ERBIN: variants seen among roughly 807,000 people sequenced by gnomAD.
ERBIN encodes erbb2 interacting protein, also known as densin-180-like protein.
ERBIN carries 60 observed loss-of-function variants against 158.4 expected under a neutral mutation model. The observed-to-expected ratio is 0.38, with a 90% confidence interval of 0.31 to 0.47. The LOEUF is 0.47. Ranked by LOEUF, ERBIN falls within the 20% of genes least tolerant of loss-of-function variation. ERBIN has a pLI of 0.99. For missense variants in ERBIN, 1,610 were observed against 1,648.0 expected (o/e 0.98, Z 0.40); for synonymous variants, 594 against 557.2 (o/e 1.07, Z -0.93).
intron 4 of ERBIN, among the ~76,000 whole-genome samples, chr5:65,999,749 G>A (rs1445245198): frequency 2.0e-5 from 3 of 152,050 alleles, no homozygotes; most frequent in African/African-American, 7.2e-5. Flanking sequence ...TTTTATTCAG[G>A]CTAAATGTCT....
At position 66,079,992 on chromosome 5, in the gene ERBIN, A is replaced by G. The variant is rs1368088404; in HGVS notation, c.*1462A>G. 6.6e-6 allele frequency: 1 copy of G among 152,212 alleles called. No individual in the cohort carries two copies. The highest frequency in any genetic ancestry group is 1.5e-5 in the Non-Finnish European group (1 of 68,002). The allele number at this position is 152,212 out of a possible 1,614,324, so 9.4% of individuals were successfully genotyped here. A position where few individuals can be genotyped will look rare whatever the true frequency, so the allele number is the denominator to read the frequency against. On this transcript the variant is annotated 3_prime_UTR_variant, in exon 26 of 26. Coordinates refer to ENST00000284037, the MANE Select transcript of ERBIN (RefSeq NM_001253697.2). Reference sequence around the variant, plus strand: ...GTTATTTGGACCAGAAAAAAGTGCCATAGAAGACCAATAACTGTTTAGTTG... The same window carrying G: ...GTTATTTGGACCAGAAAAAAGTGCCGTAGAAGACCAATAACTGTTTAGTTG...
chr5:65,933,892 G>A (rs959893286), intron 1 of ERBIN, among the ~76,000 whole-genome samples: 4 of 151,724 alleles, frequency 2.6e-5, no homozygotes, highest in African/African-American at 4.8e-5. Context: ...ATGCCCTGTC[G>A]TCATCCCTAA....
chr5:65,980,917 A>G (rs926819476), intron 1 of ERBIN, among the ~76,000 whole-genome samples: 2 of 152,250 alleles, frequency 1.3e-5, no homozygotes, highest in African/African-American at 4.8e-5. Context: ...GTAAGGCTAT[A>G]GAAGATTTGA....
At chr5:65,953,808 C>T (rs906888588) in intron 1 of ERBIN, among the ~76,000 whole-genome samples, 1 of 152,164 alleles carries the variant, frequency 6.6e-6, no homozygotes, top group Non-Finnish European at 1.5e-5. Flanking sequence ...GTGGCACATT[C>T]ATAAGCCAAC....
chr5:66,016,359 T>G (rs114415115), intron 7 of ERBIN, among the ~76,000 whole-genome samples: 3,208 of 152,302 alleles, frequency 0.021, 120 homozygotes, highest in African/African-American at 0.072. Context: ...TTAACTGATT[T>G]TAACACCTTT....
intron 1 of ERBIN, among the ~76,000 whole-genome samples, chr5:65,957,896 C>T (rs1747404187): frequency 2.6e-5 from 4 of 151,626 alleles, no homozygotes; most frequent in African/African-American, 9.7e-5. Flanking sequence ...CCTCACTTCT[C>T]AGCCGGGGCG....
At chr5:65,944,184 A>G (rs1404150761) in intron 1 of ERBIN, among the ~76,000 whole-genome samples, 1 of 148,768 alleles carries the variant, frequency 6.7e-6, no homozygotes, top group Non-Finnish European at 1.5e-5. Flanking sequence ...GCTGGCTCAT[A>G]TGGTAATTCT....
At chr5:65,930,111 C>T (rs1008147687) in intron 1 of ERBIN, among the ~76,000 whole-genome samples, 1 of 152,116 alleles carries the variant, frequency 6.6e-6, no homozygotes, top group African/African-American at 2.4e-5. Context: ...TTCAGTTGGT[C>T]GTTCTTAATT....
intron 1 of ERBIN, among the ~76,000 whole-genome samples, chr5:65,948,762 G>GTTTTTTTTTTTTTT (rs59712256): frequency 9.5e-6 from 1 of 105,624 alleles, no homozygotes; most frequent in Non-Finnish European, 1.8e-5. Flanking sequence ...TCTGTTTTGC[G>GTTTTTTTTTTTTTT]TTTTTTTTTT....
rs182722599 is a variant in ERBIN at position 66,043,294 on chromosome 5, A to T, written c.1428+96A>T. The stretch of plus-strand genomic sequence containing the variant: ...ATGATGTCTGGGGATATAACAAAGT[A>T]TTGAATTTATTCCTTGTCCTCAAGG... On this transcript the variant is annotated intron_variant, in intron 16 of 25. Coordinates refer to ENST00000284037, the MANE Select transcript of ERBIN (RefSeq NM_001253697.2). 3 of 1,240,036 alleles carry T rather than the reference A, an allele frequency of 2.4e-6. No individual in the cohort carries two copies. The East Asian group carries it at 7.4e-5, about 31-fold the overall frequency. 76.8% of individuals were successfully genotyped at this position (1,240,036 alleles called of 1,614,324 possible).
chr5:66,000,523 C>T (rs948330807), intron 4 of ERBIN, among the ~76,000 whole-genome samples: 1 of 151,914 alleles, frequency 6.6e-6, no homozygotes, highest in Non-Finnish European at 1.5e-5. Context: ...GTTTTTGAGG[C>T]GTTGGAGATA....
At chr5:65,957,223 TA>T (rs1747255612) in intron 1 of ERBIN, among the ~76,000 whole-genome samples, 8 of 151,994 alleles carry the variant, frequency 5.3e-5, no homozygotes, top group African/African-American at 1.7e-4. Flanking sequence ...TATTTTATTT[TA>T]TTTTATTTTT....
At chr5:65,968,801 TC>T (rs1190398311) in intron 1 of ERBIN, among the ~76,000 whole-genome samples, 1 of 152,186 alleles carries the variant, frequency 6.6e-6, no homozygotes, top group East Asian at 1.9e-4. Context: ...CCTCAGGTGA[TC>T]CACCTGCCTC....
intron 17 of ERBIN, among the ~76,000 whole-genome samples, chr5:66,045,551 G>C (rs1758351462): frequency 6.6e-6 from 1 of 152,094 alleles, no homozygotes; most frequent in South Asian, 2.1e-4. Flanking sequence ...GATGTTCACA[G>C]AGGAAAAAAA....
chr5:66,004,647 C>T (rs1753392033), intron 4 of ERBIN, among the ~76,000 whole-genome samples: 1 of 152,196 alleles, frequency 6.6e-6, no homozygotes, highest in Non-Finnish European at 1.5e-5. Context: ...AAATGATCTG[C>T]CCACCTCAGC....
At chr5:65,956,307 C>G (rs1341702774) in intron 1 of ERBIN, among the ~76,000 whole-genome samples, 2 of 151,068 alleles carry the variant, frequency 1.3e-5, no homozygotes, top group East Asian at 1.9e-4. Flanking sequence ...TGCATGCATG[C>G]ATTCATTTAC....
intron 14 of ERBIN, among the ~76,000 whole-genome samples, chr5:66,031,246 C>T (rs943757772): frequency 6.6e-6 from 1 of 152,186 alleles, no homozygotes; most frequent in Non-Finnish European, 1.5e-5. Context: ...CTATGTAGAA[C>T]AGTACATGCA....
At chr5:65,963,242 C>A (rs1412833727) in intron 1 of ERBIN, among the ~76,000 whole-genome samples, 1 of 152,058 alleles carries the variant, frequency 6.6e-6, no homozygotes, top group African/African-American at 2.4e-5. Flanking sequence ...AAGTAGTTTC[C>A]TATATGCATT....
chr5:66,046,347 AC>A lies in ERBIN; in HGVS notation c.1603-5del. ...ATATGAGCTCTTTATCTTTTCTTTTACTTAGACCTCAGAAAGTACTACTACA... is the reference window on the plus strand; with the variant it reads ...ATATGAGCTCTTTATCTTTTCTTTTATTAGACCTCAGAAAGTACTACTACA... On this transcript the variant is annotated splice_region_variant and splice_polypyrimidine_tract_variant and intron_variant, in intron 17 of 25. Coordinates refer to ENST00000284037, the MANE Select transcript of ERBIN (RefSeq NM_001253697.2). The A allele has an allele frequency of 6.8e-7, 1 of 1,464,662 alleles. No homozygotes were observed. The highest frequency in any genetic ancestry group is 1.4e-5 in the South Asian group (1 of 71,254). 90.7% of individuals were successfully genotyped at this position (1,464,662 alleles called of 1,614,324 possible).
Sources: gnomAD v4.1 joint callset for allele counts (sites outside exome capture counted in the v4.1 genomes callset) on GRCh38, gnomAD v4.1.1 for gene constraint, MANE v1.5 for transcripts, NCBI Gene and HGNC (gene_info 2026-07-23, HGNC 2026-07-21) for gene names.